Variants in GDA observed in about 807,000 individuals in gnomAD.
GDA encodes guanine deaminase.
In GDA, 18 loss-of-function variants were observed where a neutral mutation model predicts 59.6. The observed-to-expected ratio is 0.30, with a 90% confidence interval of 0.21 to 0.45. The LOEUF (loss-of-function observed/expected upper bound fraction) is 0.45, where lower values mean the gene tolerates loss of function less well. Among genes scored for constraint, GDA ranks in the 20% least tolerant of loss-of-function variants. The pLI is 1.00. For synonymous variants in GDA, 201 were observed against 201.1 expected, an observed-to-expected ratio of 1.00 and a Z score of 0.00; for missense variants, 427 against 552.3, an observed-to-expected ratio of 0.77 and a Z score of 2.27.
At chr9:72,173,838 T>G (rs2130985407) in intron 1 of GDA, among the ~76,000 whole-genome samples, 1 of 152,276 alleles carries the variant, frequency 6.6e-6, no homozygotes, top group South Asian at 2.1e-4. Flanking sequence ...GTGTGTATCC[T>G]CAACAGTTTC....
At chr9:72,179,610 A>C (rs139528878) in intron 1 of GDA, among the ~76,000 whole-genome samples, 2 of 152,318 alleles carry the variant, frequency 1.3e-5, no homozygotes, top group East Asian at 3.9e-4. Flanking sequence ...GATCAGTCTT[A>C]TGACCCTCCT....
chr9:72,243,904 A>G (rs1472002946), intron 11 of GDA, among the ~76,000 whole-genome samples: 1 of 152,212 alleles, frequency 6.6e-6, no homozygotes, highest in East Asian at 1.9e-4. Context: ...GGCTGAGCAC[A>G]GTGGCTCACG....
At chr9:72,241,503 A>G (rs528884539) in intron 11 of GDA, among the ~76,000 whole-genome samples, 1 of 152,348 alleles carries the variant, frequency 6.6e-6, no homozygotes, top group South Asian at 2.1e-4. Flanking sequence ...TGTCTTTGGT[A>G]GAATAGATGT....
intron 1 of GDA, among the ~76,000 whole-genome samples, chr9:72,133,694 A>G (rs969792738): frequency 2.0e-5 from 3 of 152,156 alleles, no homozygotes; most frequent in Non-Finnish European, 4.4e-5. Flanking sequence ...AAGCCCTCTT[A>G]TTTCTTCTCA....
intron 5 of GDA, among the ~76,000 whole-genome samples, chr9:72,215,932 C>CT (rs1350787607): frequency 6.6e-6 from 1 of 152,236 alleles, no homozygotes; most frequent in Non-Finnish European, 1.5e-5. Flanking sequence ...AGCAGGTTCA[C>CT]TGCACATAGG....
At chr9:72,213,324 A>T (rs1202027959) in intron 4 of GDA, among the ~76,000 whole-genome samples, 1 of 152,108 alleles carries the variant, frequency 6.6e-6, no homozygotes, top group African/African-American at 2.4e-5. Flanking sequence ...CAGCCTGAGA[A>T]TGGGGATGGG....
chr9:72,214,436 T>C (rs934865312), intron 5 of GDA, among the ~76,000 whole-genome samples: 3 of 151,742 alleles, frequency 2.0e-5, no homozygotes, highest in Admixed American at 2.0e-4. Flanking sequence ...GCTGGGACTA[T>C]AGGTGCATGC....
At chr9:72,228,132 A>G (rs1837836376) in intron 9 of GDA, 92 bp downstream of exon 9, 2 of 744,776 alleles carry the variant, frequency 2.7e-6, no homozygotes, top group East Asian at 5.3e-5. Flanking sequence ...TTCCTCCAGG[A>G]TCTCCCCTCT....
intron 1 of GDA, among the ~76,000 whole-genome samples, chr9:72,123,211 T>G (rs1825726312): frequency 7.1e-6 from 1 of 141,404 alleles, no homozygotes; most frequent in Admixed American, 7.3e-5. Flanking sequence ...TGAGACCGAG[T>G]CTTGCTCTGT....
At chr9:72,117,567 G>T (rs1378396005) in intron 1 of GDA, among the ~76,000 whole-genome samples, 2 of 152,146 alleles carry the variant, frequency 1.3e-5, no homozygotes, top group East Asian at 1.9e-4. Context: ...GATATCACAA[G>T]GAGACATGCC....
chr9:72,120,345 C>T (rs1057451986), intron 1 of GDA, among the ~76,000 whole-genome samples: 4 of 152,128 alleles, frequency 2.6e-5, no homozygotes, highest in African/African-American at 7.2e-5. Context: ...TGCACTACCA[C>T]GCCCAGCTAA....
At chr9:72,142,871 C>T (rs202186189) in intron 1 of GDA, among the ~76,000 whole-genome samples, 48 of 151,150 alleles carry the variant, frequency 3.2e-4, no homozygotes, top group African/African-American at 1.1e-3. Context: ...TGGGTTCAAG[C>T]GATTCTCCTG....
upstream of GDA, among the ~76,000 whole-genome samples, chr9:72,145,724 A>G (rs1826603579): frequency 6.6e-6 from 1 of 152,198 alleles, no homozygotes. Context: ...GAAAATTGAG[A>G]TTGTAAGAAA....
At chr9:72,191,119 C>T (rs1364055892) in intron 1 of GDA, among the ~76,000 whole-genome samples, 2 of 152,092 alleles carry the variant, frequency 1.3e-5, no homozygotes, top group Non-Finnish European at 2.9e-5. Context: ...AATGATCTGT[C>T]AATTGATAAG....
At chr9:72,174,763 G>T (rs61636424) in intron 1 of GDA, among the ~76,000 whole-genome samples, 28,514 of 145,482 alleles carry the variant, frequency 0.2, 2,728 homozygotes, top group Middle Eastern at 0.26. Flanking sequence ...TATATATATA[G>T]AGAGAGAGAG....
upstream of GDA, among the ~76,000 whole-genome samples, chr9:72,146,578 C>T (rs1468281649): frequency 6.6e-6 from 1 of 152,082 alleles, no homozygotes; most frequent in Non-Finnish European, 1.5e-5. Flanking sequence ...GCAATCTCTG[C>T]CTCCCGGGTT....
At chr9:72,201,696 T>C (rs773041655) in intron 2 of GDA, among the ~76,000 whole-genome samples, 1 of 152,210 alleles carries the variant, frequency 6.6e-6, no homozygotes, top group Non-Finnish European at 1.5e-5. Flanking sequence ...AATATCTGTT[T>C]GGATGAGGTT....
At chr9:72,171,166 G>A (rs888510534) in intron 1 of GDA, among the ~76,000 whole-genome samples, 3 of 152,000 alleles carry the variant, frequency 2.0e-5, no homozygotes, top group Admixed American at 6.6e-5. Flanking sequence ...TACTTTCTCC[G>A]GCTATTGTAT....
At chr9:72,237,656 C>G (rs1441866649) in intron 10 of GDA, among the ~76,000 whole-genome samples, 1 of 152,178 alleles carries the variant, frequency 6.6e-6, no homozygotes, top group Admixed American at 6.5e-5. Context: ...CTACATTCTC[C>G]CTTCTCTTAG....
Sources: gnomAD v4.1 joint callset for allele counts (sites outside exome capture counted in the v4.1 genomes callset) on GRCh38, gnomAD v4.1.1 for gene constraint, MANE v1.5 for transcripts, NCBI Gene and HGNC (gene_info 2026-07-23, HGNC 2026-07-21) for gene names.